VPS41: variants seen among roughly 807,000 people sequenced by gnomAD.
VPS41 encodes the protein VPS41 subunit of HOPS complex, also known as vacuolar protein sorting-associated protein 41 homolog.
In VPS41, 85 loss-of-function variants were observed where a neutral mutation model predicts 130.9. That is an observed-to-expected ratio of 0.65 (90% CI 0.55 to 0.78). The LOEUF is 0.78. VPS41 is among the 30% of genes least tolerant of loss of function. The pLI, the probability that VPS41 is intolerant of heterozygous loss-of-function variation, is 0.00. For missense variants in VPS41, 874 were observed against 1,018.7 expected (o/e 0.86, Z 1.93); for synonymous variants, 335 against 332.9 (o/e 1.01, Z -0.07).
chr7:38,876,951 A>G (rs1786505257), intron 2 of VPS41, among the ~76,000 whole-genome samples: 1 of 152,212 alleles, frequency 6.6e-6, no homozygotes, highest in Non-Finnish European at 1.5e-5. Flanking sequence ...AGAAAAGCAA[A>G]TAAGCTTTTC....
At chr7:38,838,814 G>A (rs1348459716) in intron 4 of VPS41, among the ~76,000 whole-genome samples, 1 of 152,168 alleles carries the variant, frequency 6.6e-6, no homozygotes, top group Non-Finnish European at 1.5e-5. Context: ...TATGGATTAT[G>A]TCAGCTCTTC....
intron 4 of VPS41, among the ~76,000 whole-genome samples, chr7:38,833,572 T>C (rs1785435068): frequency 6.6e-6 from 1 of 152,208 alleles, no homozygotes; most frequent in Admixed American, 6.5e-5. Flanking sequence ...GTGCTGGTAA[T>C]CATCTTCTCA....
intron 10 of VPS41, among the ~76,000 whole-genome samples, chr7:38,789,059 T>C (rs1036883028): frequency 6.6e-6 from 1 of 152,094 alleles, no homozygotes; most frequent in Non-Finnish European, 1.5e-5. Flanking sequence ...TCAAACTAAA[T>C]TATAAAAGTC....
chr7:38,782,670 A>C (rs889684335), intron 10 of VPS41, among the ~76,000 whole-genome samples: 3 of 152,230 alleles, frequency 2.0e-5, no homozygotes, highest in African/African-American at 7.2e-5. Context: ...TCAGGGTTAG[A>C]GTCACAAATA....
At chr7:38,840,307 C>T (rs1037688560) in intron 4 of VPS41, among the ~76,000 whole-genome samples, 3 of 152,100 alleles carry the variant, frequency 2.0e-5, no homozygotes, top group African/African-American at 4.8e-5. Context: ...ACGACAAAAG[C>T]GAAATCCATC....
intron 10 of VPS41, among the ~76,000 whole-genome samples, chr7:38,787,714 C>T (rs1194170819): frequency 6.6e-6 from 1 of 152,162 alleles, no homozygotes; most frequent in East Asian, 1.9e-4. Context: ...AGAACAGTGG[C>T]TCACACTATT....
intron 11 of VPS41, chr7:38,775,777 A>G (rs1473185529): frequency 6.6e-6 from 1 of 151,944 alleles, no homozygotes; most frequent in Non-Finnish European, 1.5e-5. Flanking sequence ...CTACCACTTC[A>G]AAACCAGGGC....
At chr7:38,839,637 G>C (rs970951978) in intron 4 of VPS41, among the ~76,000 whole-genome samples, 1 of 152,006 alleles carries the variant, frequency 6.6e-6, no homozygotes, top group Admixed American at 6.5e-5. Context: ...CACCATGTTA[G>C]CCAGGCTGGT....
At chr7:38,896,247 AC>A (rs1169965627) in intron 2 of VPS41, among the ~76,000 whole-genome samples, 1 of 152,216 alleles carries the variant, frequency 6.6e-6, no homozygotes, top group African/African-American at 2.4e-5. Flanking sequence ...TTCTAAGAAC[AC>A]TGGAATCTTA....
chr7:38,886,226 G>A (rs1012574072), intron 2 of VPS41, among the ~76,000 whole-genome samples: 1 of 152,118 alleles, frequency 6.6e-6, no homozygotes, highest in Non-Finnish European at 1.5e-5. Flanking sequence ...AAAGGGGTCG[G>A]GGGATTTCCC....
intron 12 of VPS41, among the ~76,000 whole-genome samples, chr7:38,773,117 A>C (rs1784188076): frequency 6.6e-6 from 1 of 152,180 alleles, no homozygotes; most frequent in East Asian, 1.9e-4. Context: ...TCAGCGATAA[A>C]TGTTTCCTCC....
At chr7:38,818,254 A>C (rs374126836) in intron 6 of VPS41, among the ~76,000 whole-genome samples, 149 of 89,372 alleles carry the variant, frequency 1.7e-3, no homozygotes, top group African/African-American at 4.4e-3. Context: ...CAAAACAAAA[A>C]AAAAAAAACA....
intron 2 of VPS41, among the ~76,000 whole-genome samples, chr7:38,877,030 G>A (rs1040757183): frequency 5.9e-5 from 9 of 152,056 alleles, no homozygotes; most frequent in Admixed American, 2.0e-4. Flanking sequence ...GACAATTTCC[G>A]CCACTAAAGC....
intron 9 of VPS41, among the ~76,000 whole-genome samples, chr7:38,791,702 G>A (rs1784540005): frequency 6.6e-6 from 1 of 152,168 alleles, no homozygotes; most frequent in Admixed American, 6.5e-5. Context: ...AGGGGACAGA[G>A]TTGAGGCTGG....
chr7:38,757,080 C>T, intron 18 of VPS41, 98 bp from the exon 19 acceptor site: 1 of 952,600 alleles, frequency 1.0e-6, no homozygotes, highest in Non-Finnish European at 1.6e-6. Flanking sequence ...TGGAAACACT[C>T]CTTTAGAGAG....
intron 10 of VPS41, among the ~76,000 whole-genome samples, chr7:38,786,551 G>A (rs1278289470): frequency 3.9e-5 from 6 of 152,098 alleles, no homozygotes; most frequent in African/African-American, 7.2e-5. Context: ...GAACAGATAC[G>A]TAATAAAGCA....
chr7:38,823,205 G>A (rs1169223337), intron 5 of VPS41, among the ~76,000 whole-genome samples: 1 of 152,068 alleles, frequency 6.6e-6, no homozygotes, highest in Admixed American at 6.6e-5. Flanking sequence ...GAAAGCTTGG[G>A]GTAACTAGCT....
intron 15 of VPS41, among the ~76,000 whole-genome samples, chr7:38,767,207 C>T (rs1784062632): frequency 6.6e-6 from 1 of 152,042 alleles, no homozygotes; most frequent in Non-Finnish European, 1.5e-5. Flanking sequence ...TGCCAGCAAC[C>T]AGGGAAATGA....
At chr7:38,846,765 T>C (rs1785733268) in intron 4 of VPS41, among the ~76,000 whole-genome samples, 1 of 151,998 alleles carries the variant, frequency 6.6e-6, no homozygotes, top group African/African-American at 2.4e-5. Flanking sequence ...TGAACAAGGA[T>C]GATGGCAATA....
Sources: allele counts gnomAD v4.1 joint callset (sites outside exome capture counted in the v4.1 genomes callset), GRCh38; gene constraint gnomAD v4.1.1; transcripts MANE v1.5; gene names NCBI Gene and HGNC (gene_info 2026-07-23, HGNC 2026-07-21).